The following SRP72 variants were observed in gnomAD, a reference collection of about 807,000 sequenced individuals.
The protein encoded by SRP72 is signal recognition particle 72, also known as signal recognition particle subunit SRP72.
In SRP72, 49 loss-of-function variants were observed where a neutral mutation model predicts 96.3. That is an observed-to-expected ratio of 0.51 (90% CI 0.40 to 0.65). SRP72 has a LOEUF of 0.65. Among genes scored for constraint, SRP72 ranks in the 30% least tolerant of loss-of-function variants. The pLI is 0.00. For synonymous variants in SRP72, 267 were observed against 275.2 expected (o/e 0.97, Z 0.30); for missense variants, 736 against 793.3 (o/e 0.93, Z 0.87).
At chr4:56,496,046 C>T (rs570166296) in intron 17 of SRP72, among the ~76,000 whole-genome samples, 1 of 152,146 alleles carries the variant, frequency 6.6e-6, no homozygotes, top group Admixed American at 6.5e-5. Context: ...GGTCAGTGTC[C>T]AGCCTTGAAT....
Position 56,500,573 on chromosome 4 carries a change from A to G in SRP72, c.1716A>G (p.Pro572=). 2 of 1,613,964 alleles carry G rather than the reference A, an allele frequency of 1.2e-6. No individual in the cohort carries two copies. The highest frequency in any genetic ancestry group is 1.7e-6 in the Non-Finnish European group (2 of 1,179,882). The change falls in exon 18 of 19, where the codon CCA becomes CCG. Residue 572 remains proline, a synonymous_variant. Coordinates refer to ENST00000642900, the MANE Select transcript of SRP72 (RefSeq NM_006947.4). ...AGAATTATGACCCAAAAGTTACCCC[A>G]GATCCAGAAAGATGGCTGCCAATGC... ...LPKNYDPKVT[P]DPERWLPMRE...
rs369715670 is a variant in SRP72 at position 56,471,599 on chromosome 4, C to T, written c.231-121C>T. On this transcript the variant is annotated intron_variant, in intron 2 of 18. Coordinates refer to ENST00000642900, the MANE Select transcript of SRP72 (RefSeq NM_006947.4). ...ATCTGATATTTAGACAAGTCTCTAA[C>T]CTTTGTCAGTTTTCTCATCTGTTAT... is the stretch of plus-strand genomic sequence containing the variant. The T allele has an allele frequency of 3.0e-5, 35 of 1,158,026 alleles. No homozygotes were observed. In the East Asian group the frequency reaches 5.4e-4, roughly 18 times the overall value. 71.7% of individuals were successfully genotyped at this position (1,158,026 alleles called of 1,614,324 possible).
rs1295081082 is a variant in SRP72, at chr4:56,495,406, A to G, written c.1678+12A>G. On this transcript the variant is annotated intron_variant, in intron 17 of 18. Transcript: ENST00000642900. ...AAAGAAAAAGAAGGGTAAGGCATTAAAAAAGTCTTTATAAATTTTCTCCAA... is the reference window on the plus strand; with the variant it reads ...AAAGAAAAAGAAGGGTAAGGCATTAGAAAAGTCTTTATAAATTTTCTCCAA... The G allele has an allele frequency of 2.0e-6, 3 of 1,474,684 alleles. No individual in the cohort carries two copies. Among genetic ancestry groups the G allele is most frequent in the Non-Finnish European group, 2.8e-6 (3 of 1,068,470 alleles). The allele number at this position is 1,474,684 out of a possible 1,614,324, so 91.3% of individuals were successfully genotyped here. A position where few individuals can be genotyped will look rare whatever the true frequency, so the allele number is the denominator to read the frequency against.
rs546193953 is a variant in SRP72 at position 56,503,482 on chromosome 4, A to G, written c.*1621A>G. The G allele has an allele frequency of 6.6e-6, 1 of 152,314 alleles. No homozygotes were observed. The highest frequency in any genetic ancestry group is 2.4e-5 in the African/African-American group (1 of 41,574). 9.4% of individuals were successfully genotyped at this position (152,314 alleles called of 1,614,324 possible). On this transcript the variant is annotated 3_prime_UTR_variant, in exon 19 of 19. Transcript: ENST00000642900. ...AGCAACTAAAACTTCATCAGTTCAA[A>G]TAAGTTTTAATTGTCAAATGAAGTA...
At chr4:56,494,158 A>G (rs923234366) in intron 16 of SRP72, among the ~76,000 whole-genome samples, 1 of 143,114 alleles carries the variant, frequency 7.0e-6, no homozygotes, top group Non-Finnish European at 1.5e-5. Flanking sequence ...GTAGGGAGAC[A>G]ATTTAGAATA....
rs1257738854 is a variant in SRP72 at position 56,491,516 on chromosome 4, A to G, written c.1588A>G (p.Ile530Val). ...ALENSAGATY[I>V]RKKGGKVTGD... is the part of the protein sequence containing the mutation. ...TGAAAATTCTGCTGGTGCTACATACATTCGGAAGAAGGGTGGAAAAGTTAC... is the reference window on the plus strand; with the variant it reads ...TGAAAATTCTGCTGGTGCTACATACGTTCGGAAGAAGGGTGGAAAAGTTAC... The change falls in exon 16 of 19, where the codon ATT becomes GTT. Residue 530 changes from isoleucine to valine, a missense_variant. This residue lies in a region of SRP72 where 388 missense variants were observed against 431.8 expected (regional missense o/e 0.90). Transcript: ENST00000642900. 6 of 1,613,896 alleles carry G rather than the reference A, an allele frequency of 3.7e-6. No homozygotes were observed. Among genetic ancestry groups the G allele is most frequent in the Non-Finnish European group, 4.2e-6 (5 of 1,179,930 alleles).
intron 8 of SRP72, among the ~76,000 whole-genome samples, chr4:56,479,249 G>A (rs1720373603): frequency 2.6e-5 from 4 of 151,796 alleles, no homozygotes; most frequent in African/African-American, 7.3e-5. Context: ...ACACGATCTC[G>A]GCTCACTGCA....
chr4:56,502,967 A>T lies in SRP72; in HGVS notation c.*1106A>T, dbSNP rs1721320035. ...ACAGCTGTGAGACAGACATATTGAG[A>T]TGCCTGCCCTTGTTAGTATTCATTT... On this transcript the variant is annotated 3_prime_UTR_variant, in exon 19 of 19. Coordinates refer to ENST00000642900, the MANE Select transcript of SRP72 (RefSeq NM_006947.4). 6.6e-6 allele frequency: 1 copy of T among 152,184 alleles called. No individual in the cohort carries two copies. The highest frequency in any genetic ancestry group is 2.4e-5 in the African/African-American group (1 of 41,442). 9.4% of individuals were successfully genotyped at this position (152,184 alleles called of 1,614,324 possible).
chr4:56,490,316 T>G lies in SRP72; in HGVS notation c.1321-17T>G, dbSNP rs751513880. The G allele has an allele frequency of 6.3e-7, 1 of 1,599,118 alleles. No homozygotes were observed. The highest frequency in any genetic ancestry group is 1.4e-5 in the African/African-American group (1 of 73,630). On this transcript the variant is annotated splice_polypyrimidine_tract_variant and intron_variant, in intron 13 of 18. Coordinates refer to ENST00000642900, the MANE Select transcript of SRP72 (RefSeq NM_006947.4). ...ATTTAACTTGAAACTTTTTTTTTCT[T>G]TTTATTGAAACTGTAGCCAAAATCT...
chr4:56,473,611 C>T (rs1475139645), intron 3 of SRP72, among the ~76,000 whole-genome samples: 1 of 151,020 alleles, frequency 6.6e-6, no homozygotes, highest in Admixed American at 6.6e-5. Flanking sequence ...ACTAAAAATA[C>T]AAAATTAGCC....
chr4:56,474,644 A>G (rs1268704647), intron 5 of SRP72: 1 of 530,058 alleles, frequency 1.9e-6, no homozygotes. Context: ...CCCGAGTTCA[A>G]GCAATTCTCC....
intron 17 of SRP72, among the ~76,000 whole-genome samples, chr4:56,498,904 T>C (rs947499406): frequency 2.6e-5 from 4 of 152,288 alleles, no homozygotes; most frequent in Non-Finnish European, 5.9e-5. Context: ...TTCACAGAAT[T>C]AGAAAAAAAC....
chr4:56,499,652 A>G (rs765583775), intron 17 of SRP72, among the ~76,000 whole-genome samples: 1 of 152,222 alleles, frequency 6.6e-6, no homozygotes, highest in Non-Finnish European at 1.5e-5. Flanking sequence ...ATGCAAATCA[A>G]AACAACAATG....
intron 17 of SRP72, among the ~76,000 whole-genome samples, chr4:56,497,219 TA>T (rs1721103917): frequency 1.3e-5 from 2 of 149,586 alleles, no homozygotes; most frequent in Admixed American, 1.4e-4. Flanking sequence ...TTATTTTATT[TA>T]TTTATTTTTT....
At chr4:56,477,818 T>C (rs1160325225) in intron 6 of SRP72, among the ~76,000 whole-genome samples, 1 of 152,186 alleles carries the variant, frequency 6.6e-6, no homozygotes, top group Admixed American at 6.5e-5. Context: ...GAGCATCGGT[T>C]AAGAGAGCTA....
chr4:56,486,264 T>G (rs1720706410), intron 10 of SRP72, 61 bp from the exon 11 acceptor site: 2 of 1,152,890 alleles, frequency 1.7e-6, no homozygotes, highest in East Asian at 5.0e-5. Flanking sequence ...GTAATTGTAA[T>G]GTATACAATT....
intron 12 of SRP72, 138 bp downstream of exon 12, chr4:56,488,151 G>T: frequency 3.4e-6 from 2 of 590,616 alleles, no homozygotes; most frequent in South Asian, 2.5e-5. Flanking sequence ...ATAGTTGTCT[G>T]GTATAAATTT....
chr4:56,480,585 A>G (rs923453477), intron 8 of SRP72, among the ~76,000 whole-genome samples: 2 of 152,184 alleles, frequency 1.3e-5, no homozygotes, highest in Non-Finnish European at 2.9e-5. Context: ...TATCTGACAT[A>G]CATAATTGTA....
At chr4:56,493,755 A>G (rs530473385) in intron 16 of SRP72, among the ~76,000 whole-genome samples, 3 of 152,238 alleles carry the variant, frequency 2.0e-5, no homozygotes, top group East Asian at 1.9e-4. Flanking sequence ...AATCCCAGCT[A>G]TTTGGGAGGC....
Sources: allele counts gnomAD v4.1 joint callset (sites outside exome capture counted in the v4.1 genomes callset), GRCh38; gene constraint gnomAD v4.1.1; regional missense constraint gnomAD v4.1.1; transcripts MANE v1.5; gene names NCBI Gene and HGNC (gene_info 2026-07-23, HGNC 2026-07-21).